Variants in TENM3 observed in about 807,000 individuals in gnomAD.
The protein encoded by TENM3 is teneurin transmembrane protein 3.
TENM3 carries 63 observed loss-of-function variants against 255.1 expected under a neutral mutation model. That is an observed-to-expected ratio of 0.25 (90% confidence interval 0.20 to 0.30). TENM3 has a LOEUF of 0.30. Ranked by LOEUF, TENM3 falls within the 10% of genes least tolerant of loss-of-function variation. The pLI is 1.00. For synonymous variants in TENM3, 1,306 were observed against 1,322.3 expected, an observed-to-expected ratio of 0.99 and a Z score of 0.27; for missense variants, 2,929 against 3,461.1, an observed-to-expected ratio of 0.85 and a Z score of 3.86.
chr4:181,874,562 A>G, the TENM3 span: 1 of 152,346 alleles, frequency 6.6e-6, no homozygotes, highest in East Asian at 1.9e-4. Flanking sequence ...GATAAAAGAG[A>G]TAAACAGAGA....
the TENM3 span, among the ~76,000 whole-genome samples, chr4:181,677,903 A>C: frequency 6.6e-6 from 1 of 152,118 alleles, no homozygotes; most frequent in Non-Finnish European, 1.5e-5. Flanking sequence ...TTTCTTCTGC[A>C]TGCCTCTGGT....
the TENM3 span, among the ~76,000 whole-genome samples, chr4:181,730,439 G>A: frequency 6.6e-6 from 1 of 152,204 alleles, no homozygotes. Context: ...GGAGTTTAGA[G>A]TTTACCCTGC....
the TENM3 span, among the ~76,000 whole-genome samples, chr4:181,893,486 T>TTCCCCCCCCTCCCCCCCCC: frequency 8.8e-5 from 1 of 11,368 alleles, no homozygotes; most frequent in Non-Finnish European, 2.3e-4. Context: ...CACTTTCCCC[T>TTCCCCCCCCTCCCCCCCCC]GCCCACCCCC....
At chr4:182,105,576 A>G in the TENM3 span, among the ~76,000 whole-genome samples, 9 of 152,230 alleles carry the variant, frequency 5.9e-5, no homozygotes, top group Non-Finnish European at 1.0e-4. Context: ...AGATGTACGT[A>G]GGGCCGAGGC....
chr4:182,501,374 G>C (rs568831777), intron 3 of TENM3, among the ~76,000 whole-genome samples: 3 of 17,002 alleles, frequency 1.8e-4, no homozygotes, highest in South Asian at 5.9e-3. Flanking sequence ...GTCTAAAAGT[G>C]GGGGGGGGGG....
chr4:181,649,068 G>T, the TENM3 span, among the ~76,000 whole-genome samples: 1 of 152,146 alleles, frequency 6.6e-6, no homozygotes, highest in Non-Finnish European at 1.5e-5. Flanking sequence ...TATTCTTGTG[G>T]TTACTGTGGG....
At chr4:182,603,431 C>T (rs1168934571) in intron 4 of TENM3, among the ~76,000 whole-genome samples, 1 of 151,976 alleles carries the variant, frequency 6.6e-6, no homozygotes, top group African/African-American at 2.4e-5. Flanking sequence ...GTTGTTTTCT[C>T]GTTATCCAAA....
intron 3 of TENM3, among the ~76,000 whole-genome samples, chr4:182,374,318 G>A (rs773532212): frequency 2.6e-5 from 4 of 152,024 alleles, no homozygotes; most frequent in Non-Finnish European, 5.9e-5. Flanking sequence ...TGGCCACTTC[G>A]TTGATATCCC....
chr4:181,503,239 T>A, the TENM3 span, among the ~76,000 whole-genome samples: 1 of 152,176 alleles, frequency 6.6e-6, no homozygotes, highest in East Asian at 1.9e-4. Flanking sequence ...GCTGGCCTGA[T>A]CCTGTGATCC....
chr4:182,066,597 A>G, the TENM3 span, among the ~76,000 whole-genome samples: 1 of 24,416 alleles, frequency 4.1e-5, no homozygotes, highest in Non-Finnish European at 1.6e-4. Flanking sequence ...TGGTAAAAAA[A>G]AAATATATAT....
At chr4:182,162,622 G>C (rs75595446) in intron 1 of TENM3, among the ~76,000 whole-genome samples, 1 of 152,122 alleles carries the variant, frequency 6.6e-6, no homozygotes, top group Non-Finnish European at 1.5e-5. Context: ...ATAGACAATA[G>C]AAATTTATTT....
chr4:181,827,219 C>T, the TENM3 span, among the ~76,000 whole-genome samples: 11 of 152,262 alleles, frequency 7.2e-5, no homozygotes, highest in Admixed American at 2.0e-4. Context: ...TCGATTAGTG[C>T]TAACAGATGG....
rs948817499 is a variant in TENM3, at chr4:182,673,040, A to G, written c.1147A>G (p.Ile383Val). The G allele has an allele frequency of 1.4e-5, 23 of 1,602,466 alleles. No homozygotes were observed. Among genetic ancestry groups the G allele is most frequent in the African/African-American group, 5.3e-5 (4 of 74,818 alleles). ...LGGFTQENNTIDSGELDIGRR... is the reference protein window; with the variant it reads ...LGGFTQENNTVDSGELDIGRR... ...TGGATTTACGCAAGAAAATAACACC[A>G]TAGATTCCGGAGAACTTGATATTGG... The change falls in exon 7 of 28, where the codon ATA (isoleucine) becomes GTA (valine). Residue 383 changes from isoleucine (I) to valine (V), a missense_variant. Ile to Val is a conservative substitution (Grantham distance 29). Coordinates refer to ENST00000511685, the MANE Select transcript of TENM3 (RefSeq NM_001080477.4).
chr4:181,574,319 C>T, the TENM3 span, among the ~76,000 whole-genome samples: 4 of 151,920 alleles, frequency 2.6e-5, no homozygotes, highest in African/African-American at 9.7e-5. Context: ...ATCATGAGGT[C>T]AGGAGATCGA....
the TENM3 span, among the ~76,000 whole-genome samples, chr4:181,645,043 A>G: frequency 6.6e-6 from 1 of 152,212 alleles, no homozygotes; most frequent in African/African-American, 2.4e-5. Context: ...TTCCTAAATG[A>G]GGACAATTTT....
At position 182,381,780 on chromosome 4, in the gene TENM3, C is replaced by G. The variant is rs568849387; in HGVS notation, c.511+34851C>G. On this transcript the variant is annotated intron_variant, in intron 3 of 27. Transcript: ENST00000511685. The stretch of plus-strand genomic sequence containing the variant: ...TTCTACATGTTGGTCAGGCTGGTCT[C>G]GAACTCCCGACCTCAGGTGATCTGC... Among the ~76,000 whole-genome samples, 4 of 152,262 alleles carry G rather than the reference C, an allele frequency of 2.6e-5. 1 individual carries two copies. The South Asian group carries it at 8.3e-4, about 32-fold the overall frequency.
chr4:181,804,359 T>A, the TENM3 span, among the ~76,000 whole-genome samples: 1 of 152,200 alleles, frequency 6.6e-6, no homozygotes, highest in Admixed American at 6.6e-5. Context: ...ATAACTTTAG[T>A]GGATGTTTGC....
chr4:182,210,898 G>T (rs1271671358), intron 1 of TENM3, among the ~76,000 whole-genome samples: 2 of 152,120 alleles, frequency 1.3e-5, no homozygotes, highest in Non-Finnish European at 2.9e-5. Context: ...TACAAGGAAG[G>T]TCACTTGTTT....
chr4:182,716,519 C>T (rs910485321), intron 13 of TENM3, among the ~76,000 whole-genome samples: 1 of 152,134 alleles, frequency 6.6e-6, no homozygotes, highest in Non-Finnish European at 1.5e-5. Flanking sequence ...TGCCTCTAAC[C>T]TAATTTTGCT....
Sources: gnomAD v4.1 joint callset for allele counts (sites outside exome capture counted in the v4.1 genomes callset) on GRCh38, gnomAD v4.1.1 for gene constraint, MANE v1.5 for transcripts, NCBI Gene and HGNC (gene_info 2026-07-23, HGNC 2026-07-21) for gene names.